The following TSHZ3 variants were observed in gnomAD, a reference collection of about 807,000 sequenced individuals.
TSHZ3 encodes teashirt zinc finger homeobox 3, also known as teashirt homolog 3.
Under a neutral mutation model 64.5 loss-of-function variants are expected in TSHZ3, and 10 were observed. The ratio of observed to expected loss-of-function variants is 0.16; its 90% CI spans 0.10 to 0.26. The LOEUF (loss-of-function observed/expected upper bound fraction) is 0.26. TSHZ3 is among the 10% of genes least tolerant of loss of function. The pLI is 1.00. For synonymous variants in TSHZ3, 608 were observed against 593.1 expected, an observed-to-expected ratio of 1.03 and a Z score of -0.36; for missense variants, 1,242 against 1,421.7, an observed-to-expected ratio of 0.87 and a Z score of 2.03.
chr19:31,320,723 G>A (rs1286997241), intron 1 of TSHZ3, among the ~76,000 whole-genome samples: 1 of 152,206 alleles, frequency 6.6e-6, no homozygotes, highest in Non-Finnish European at 1.5e-5. Flanking sequence ...AGTCTGCAGT[G>A]CACCCAGGCT....
Position 31,216,834 on chromosome 19 carries a change from T to C in TSHZ3, n.686+11171A>G, listed in dbSNP as rs570204183. ...TATTTTTTATTTTTTATTTTTTATTTTTTTGTAGAGACATGGTTTCACCAT... is the reference window on the plus strand; with the variant it reads ...TATTTTTTATTTTTTATTTTTTATTCTTTTGTAGAGACATGGTTTCACCAT... On this transcript the variant is annotated intron_variant and non_coding_transcript_variant, in intron 4 of 6. Transcript: ENST00000651361. Among the ~76,000 whole-genome samples the C allele has an allele frequency of 7.2e-5, 11 of 152,098 alleles. No individual in the cohort carries two copies. The South Asian group carries it at 2.3e-3, about 32-fold the overall frequency.
At chr19:31,175,313 AG>A (rs1974592481) in intron 5 of TSHZ3, among the ~76,000 whole-genome samples, 1 of 152,208 alleles carries the variant, frequency 6.6e-6, no homozygotes, top group South Asian at 2.1e-4. Flanking sequence ...GAAATAAAGG[AG>A]AAGCTGTCTT....
chr19:31,215,149 G>C (rs1975309912), intron 4 of TSHZ3, among the ~76,000 whole-genome samples: 1 of 152,020 alleles, frequency 6.6e-6, no homozygotes, highest in Non-Finnish European at 1.5e-5. Context: ...CAGAATTGTG[G>C]CGCTATATCA....
At chr19:31,268,044 T>G (rs1976078713) in intron 1 of TSHZ3, among the ~76,000 whole-genome samples, 1 of 152,064 alleles carries the variant, frequency 6.6e-6, no homozygotes, top group Non-Finnish European at 1.5e-5. Context: ...TGGGGGTGGG[T>G]CTTTCCCATG....
At chr19:31,266,144 C>T (rs145698447) in intron 1 of TSHZ3, among the ~76,000 whole-genome samples, 4 of 152,194 alleles carry the variant, frequency 2.6e-5, no homozygotes, top group Non-Finnish European at 4.4e-5. Flanking sequence ...AGCCCATGTC[C>T]CCCTACACTT....
chr19:31,284,322 T>A (rs1976417310), intron 1 of TSHZ3, among the ~76,000 whole-genome samples: 1 of 151,708 alleles, frequency 6.6e-6, no homozygotes, highest in Non-Finnish European at 1.5e-5. Flanking sequence ...TCTCACCCCA[T>A]CCCCAACCAA....
intron 1 of TSHZ3, among the ~76,000 whole-genome samples, chr19:31,282,739 T>C (rs1270283499): frequency 6.6e-6 from 1 of 152,006 alleles, no homozygotes; most frequent in African/African-American, 2.4e-5. Flanking sequence ...AGGAAATTAA[T>C]ATGGAAAGAA....
chr19:31,182,883 G>A (rs1250452783), intron 5 of TSHZ3, among the ~76,000 whole-genome samples: 1 of 152,108 alleles, frequency 6.6e-6, no homozygotes, highest in African/African-American at 2.4e-5. Flanking sequence ...ACAGGTAACT[G>A]GTCACACACA....
At chr19:31,328,190 C>T (rs765092572) in intron 1 of TSHZ3, among the ~76,000 whole-genome samples, 1 of 152,216 alleles carries the variant, frequency 6.6e-6, no homozygotes, top group East Asian at 1.9e-4. Context: ...TTCATTTATA[C>T]AAGATCCACC....
chr19:31,263,606 A>G (rs1976012207), intron 1 of TSHZ3, among the ~76,000 whole-genome samples: 1 of 152,056 alleles, frequency 6.6e-6, no homozygotes, highest in Non-Finnish European at 1.5e-5. Context: ...TTCCTGCATG[A>G]TGTCATTTTG....
At chr19:31,334,110 G>C (rs969577072) in intron 1 of TSHZ3, among the ~76,000 whole-genome samples, 11 of 152,028 alleles carry the variant, frequency 7.2e-5, no homozygotes, top group Non-Finnish European at 1.2e-4. Context: ...AGCTGACTAC[G>C]TGTTTGTTCT....
Position 31,349,293 on chromosome 19 carries a change from C to A in TSHZ3, c.-74G>T. On this transcript the variant is annotated 5_prime_UTR_variant, in exon 1 of 2. Transcript: ENST00000240587. ...CTGAGGACAGGGAGGGAGGGGGCGGCGGGCCCGCGGGGGGGCGAGGCGGGC... is the reference window on the plus strand; with the variant it reads ...CTGAGGACAGGGAGGGAGGGGGCGGAGGGCCCGCGGGGGGGCGAGGCGGGC... The A allele has an allele frequency of 3.5e-6, 5 of 1,415,096 alleles. No homozygotes were observed. The highest frequency in any genetic ancestry group is 4.7e-6 in the Non-Finnish European group (5 of 1,074,462). The allele number at this position is 1,415,096 out of a possible 1,614,324, so 87.7% of individuals were successfully genotyped here.
At chr19:31,156,899 G>T (rs2145098789) in intron 5 of TSHZ3, among the ~76,000 whole-genome samples, 1 of 152,280 alleles carries the variant, frequency 6.6e-6, no homozygotes, top group African/African-American at 2.4e-5. Flanking sequence ...AGGTAGCTGG[G>T]TGCATGGGGA....
At chr19:31,157,772 G>A (rs1286156629) in intron 5 of TSHZ3, among the ~76,000 whole-genome samples, 2 of 152,216 alleles carry the variant, frequency 1.3e-5, no homozygotes, top group African/African-American at 4.8e-5. Context: ...GGGAATCAAA[G>A]TCTATGCAAA....
intron 1 of TSHZ3, among the ~76,000 whole-genome samples, chr19:31,283,246 A>T (rs1406024754): frequency 6.6e-6 from 1 of 152,136 alleles, no homozygotes; most frequent in Admixed American, 6.5e-5. Context: ...AGGCAGGCGA[A>T]TCACTTGAAC....
intron 1 of TSHZ3, among the ~76,000 whole-genome samples, chr19:31,311,110 C>A (rs552070791): frequency 6.6e-6 from 1 of 152,336 alleles, no homozygotes; most frequent in East Asian, 1.9e-4. Flanking sequence ...AAAATTCTCT[C>A]TCCGTCTCAG....
chr19:31,271,885 T>TA (rs528674059), downstream of TSHZ3, among the ~76,000 whole-genome samples: 69 of 152,362 alleles, frequency 4.5e-4, no homozygotes, highest in Admixed American at 1.4e-3. Context: ...ATTTTAAAGT[T>TA]AAAGTATTTA....
chr19:31,158,983 C>G (rs537615623), intron 5 of TSHZ3, among the ~76,000 whole-genome samples: 38 of 151,964 alleles, frequency 2.5e-4, no homozygotes, highest in Admixed American at 4.6e-4. Context: ...TTCTCTTATG[C>G]CTCCCTCTTC....
In TSHZ3 at chr19:31,279,117, G is replaced by T. The variant is rs1166737463; in HGVS notation, c.676C>A (p.Leu226Met). 2 of 1,613,960 alleles carry T rather than the reference G, an allele frequency of 1.2e-6. No individual in the cohort carries two copies. The highest frequency in any genetic ancestry group is 2.2e-5 in the South Asian group (2 of 91,084). ...CKDCSAAYDTLVELTVHMNET... is the reference protein window; with the variant it reads ...CKDCSAAYDTMVELTVHMNET... ...TTCATGTGCACCGTCAACTCCACCAGGGTGTCGTAGGCAGCGCTGCAGTCC... is the reference window on the plus strand; with the variant it reads ...TTCATGTGCACCGTCAACTCCACCATGGTGTCGTAGGCAGCGCTGCAGTCC... The change falls in exon 2 of 2, where the codon CTG (leucine) becomes ATG (methionine). Residue 226 changes from leucine to methionine, a missense_variant. Leu to Met is a conservative substitution (Grantham distance 15). Coordinates refer to ENST00000240587, the MANE Select transcript of TSHZ3 (RefSeq NM_020856.4). The surrounding 1 kb of genome is among the most constrained non-coding windows in gnomAD (Gnocchi z 6.4).
Sources: gnomAD v4.1 joint callset for allele counts (sites outside exome capture counted in the v4.1 genomes callset) on GRCh38, gnomAD v4.1.1 for gene constraint, Gnocchi (gnomAD v3.1) non-coding constraint, MANE v1.5 for transcripts, NCBI Gene and HGNC (gene_info 2026-07-23, HGNC 2026-07-21) for gene names.